The following ZNF136 variants were observed in gnomAD, a reference collection of about 807,000 sequenced individuals.
ZNF136 encodes zinc finger protein 136, also known as zinc finger protein 136 (clone pHZ-20).
In ZNF136, 8 loss-of-function variants were observed where a neutral mutation model predicts 11.4. That is an observed-to-expected ratio of 0.70 (90% confidence interval 0.41 to 1.27). The LOEUF (loss-of-function observed/expected upper bound fraction) is 1.27. Ranked by LOEUF, ZNF136 falls within the 50% of genes most tolerant of loss-of-function variation. ZNF136 has a pLI of 0.01. For synonymous variants in ZNF136, 190 were observed against 207.1 expected (o/e 0.92, Z 0.71); for missense variants, 590 against 656.5 (o/e 0.90, Z 1.11).
chr19:12,176,607 G>C (rs1046889817), intron 1 of ZNF136, among the ~76,000 whole-genome samples: 1 of 152,146 alleles, frequency 6.6e-6, no homozygotes, highest in African/African-American at 2.4e-5. Flanking sequence ...GATTACAGAC[G>C]TGAGCCACTG....
intron 1 of ZNF136, among the ~76,000 whole-genome samples, chr19:12,169,837 C>T (rs1379028094): frequency 2.0e-5 from 3 of 151,678 alleles, no homozygotes; most frequent in Non-Finnish European, 2.9e-5. Context: ...CTCTGTCCCC[C>T]AGGCTGGAGT....
intron 1 of ZNF136, among the ~76,000 whole-genome samples, chr19:12,172,464 T>A (rs1203078181): frequency 6.6e-6 from 1 of 152,192 alleles, no homozygotes; most frequent in Non-Finnish European, 1.5e-5. Context: ...CACACTTGTT[T>A]ATACTTGCTC....
chr19:12,175,563 AT>A (rs1195244184), intron 1 of ZNF136, among the ~76,000 whole-genome samples: 1 of 152,166 alleles, frequency 6.6e-6, no homozygotes, highest in African/African-American at 2.4e-5. Flanking sequence ...GAGTTCCCTT[AT>A]GCCCCCTATT....
In ZNF136 at chr19:12,187,901, A is replaced by T; in HGVS notation, c.1523A>T (p.Glu508Val). ...GGACAGAAACCCTATCATTGCAAGG[A>T]ATGTGGGAAAGCCTATTCTTGCCGT... Reference protein sequence around the residue: ...HTGQKPYHCKECGKAYSCRAS... With the variant: ...HTGQKPYHCKVCGKAYSCRAS... Residue 508 changes from glutamate (E) to valine (V), a missense_variant, in exon 4 of 4, where the codon GAA becomes GTA. Coordinates refer to ENST00000343979, the MANE Select transcript of ZNF136 (RefSeq NM_003437.5). 2 of 1,594,744 alleles carry T rather than the reference A, an allele frequency of 1.3e-6. No homozygotes were observed. The highest frequency in any genetic ancestry group is 8.5e-7 in the Non-Finnish European group (1 of 1,173,832).
At position 12,168,103 on chromosome 19, in the gene ZNF136, G is replaced by A. The variant is rs997900557; in HGVS notation, c.3+4897G>A. Among the ~76,000 whole-genome samples, 69 of 105,922 alleles carry A rather than the reference G, an allele frequency of 6.5e-4. 1 individual carries two copies. The highest frequency in any genetic ancestry group is 3.1e-4 in the Admixed American group (2 of 6,540). The allele number at this position is 105,922 out of a possible 152,430, so 69.5% of individuals were successfully genotyped here. A position where few individuals can be genotyped will look rare whatever the true frequency, so the allele number is the denominator to read the frequency against. On this transcript the variant is annotated intron_variant, in intron 1 of 3. Transcript: ENST00000343979. ...TTTTTTTTTTGTGAGACGGAGCTTC[G>A]CTCTCATTGCCCAAGCTGGAGTGCA...
At chr19:12,169,085 A>G (rs779083790) in intron 1 of ZNF136, among the ~76,000 whole-genome samples, 5 of 151,644 alleles carry the variant, frequency 3.3e-5, no homozygotes, top group African/African-American at 4.8e-5. Flanking sequence ...GGGTGCCTCC[A>G]CTCCTCCCTG....
rs1915129907 is a variant in ZNF136 at position 12,187,258 on chromosome 19, A to G, written c.880A>G (p.Thr294Ala). Residue 294 changes from threonine to alanine, a missense_variant, in exon 4 of 4, where the codon ACC (threonine) becomes GCC (alanine). Coordinates refer to ENST00000343979, the MANE Select transcript of ZNF136 (RefSeq NM_003437.5). Reference protein sequence around the residue: ...QCGKAFSCSPTLRIHERTHTG... With the variant: ...QCGKAFSCSPALRIHERTHTG... ...TGGTAAAGCCTTCAGTTGTTCCCCA[A>G]CCTTACGAATACATGAAAGAACCCA... is the stretch of plus-strand genomic sequence containing the variant. 6.2e-7 allele frequency: 1 copy of G among 1,613,812 alleles called. No individual in the cohort carries two copies. Among genetic ancestry groups the G allele is most frequent in the Admixed American group, 1.7e-5 (1 of 59,996 alleles).
intron 1 of ZNF136, among the ~76,000 whole-genome samples, chr19:12,183,740 A>C (rs2145640360): frequency 6.6e-6 from 1 of 152,242 alleles, no homozygotes; most frequent in Admixed American, 6.5e-5. Flanking sequence ...CTGGGACTAC[A>C]GGCGTGCACC....
At chr19:12,171,502 A>G (rs1914652618) in intron 1 of ZNF136, among the ~76,000 whole-genome samples, 2 of 152,122 alleles carry the variant, frequency 1.3e-5, no homozygotes, top group South Asian at 4.1e-4. Flanking sequence ...CATCTTCTGT[A>G]AAATAGTTTT....
intron 1 of ZNF136, among the ~76,000 whole-genome samples, chr19:12,174,313 A>C (rs1387040510): frequency 6.6e-6 from 1 of 152,134 alleles, no homozygotes; most frequent in Non-Finnish European, 1.5e-5. Context: ...TTTTTCACTT[A>C]GATGATATGC....
chr19:12,173,406 C>A (rs919015256), intron 1 of ZNF136, among the ~76,000 whole-genome samples: 14 of 152,000 alleles, frequency 9.2e-5, no homozygotes, highest in African/African-American at 3.1e-4. Flanking sequence ...TGAATGATGT[C>A]TGTATAAAAG....
At position 12,186,966 on chromosome 19, in the gene ZNF136, T is replaced by C; in HGVS notation, c.588T>C (p.Tyr196=). The change falls in exon 4 of 4, where the codon TAT becomes TAC. Residue 196 remains tyrosine (Y), a synonymous_variant. Transcript: ENST00000343979. ...HIITHSGYTP[Y]KCKVCGKAFD... ...TCACACACAGTGGATATACACCATA[T>C]AAATGTAAGGTGTGTGGGAAAGCTT... The C allele has an allele frequency of 6.2e-7, 1 of 1,614,102 alleles. No homozygotes were observed. The highest frequency in any genetic ancestry group is 2.2e-5 in the East Asian group (1 of 44,872).
chr19:12,170,016 G>A lies in ZNF136; in HGVS notation c.3+6810G>A, dbSNP rs538037816. Among the ~76,000 whole-genome samples, 121 of 143,830 alleles carry A rather than the reference G, an allele frequency of 8.4e-4. 2 individuals carry two copies. Among genetic ancestry groups the A allele is most frequent in the Admixed American group, 4.4e-3 (60 of 13,754 alleles). The allele number at this position is 143,830 out of a possible 152,430, so 94.4% of individuals were successfully genotyped here. A position where few individuals can be genotyped will look rare whatever the true frequency, so the allele number is the denominator to read the frequency against. On this transcript the variant is annotated intron_variant, in intron 1 of 3. Coordinates refer to ENST00000343979, the MANE Select transcript of ZNF136 (RefSeq NM_003437.5). The stretch of plus-strand genomic sequence containing the variant: ...TCACTGTGTTAGCCAGGGTGGTCTC[G>A]ATCTCCTGACCTCGTGATCTGCCCA...
chr19:12,182,241 T>C (rs952296153), intron 1 of ZNF136, among the ~76,000 whole-genome samples: 2 of 151,872 alleles, frequency 1.3e-5, no homozygotes, highest in African/African-American at 4.9e-5. Context: ...TGAAAAAGCT[T>C]TGTGTCTCTC....
intron 1 of ZNF136, among the ~76,000 whole-genome samples, chr19:12,174,214 CT>C (rs1914729690): frequency 6.6e-6 from 1 of 152,108 alleles, no homozygotes; most frequent in Non-Finnish European, 1.5e-5. Flanking sequence ...CAATTACTTG[CT>C]TTTTGATGTG....
intron 1 of ZNF136, among the ~76,000 whole-genome samples, chr19:12,178,615 G>A (rs1242571987): frequency 6.6e-6 from 1 of 152,122 alleles, no homozygotes; most frequent in East Asian, 1.9e-4. Context: ...TTGCTGCTAA[G>A]TTATATAAAA....
At chr19:12,166,218 A>T (rs779783399) in intron 1 of ZNF136, among the ~76,000 whole-genome samples, 3 of 149,916 alleles carry the variant, frequency 2.0e-5, no homozygotes, top group Non-Finnish European at 3.0e-5. Context: ...ACAGAGCAAG[A>T]CTCCGTCTCA....
chr19:12,165,994 G>A (rs1977180283), intron 1 of ZNF136, among the ~76,000 whole-genome samples: 1 of 152,184 alleles, frequency 6.6e-6, no homozygotes, highest in African/African-American at 2.4e-5. Flanking sequence ...TTGGGAGGCT[G>A]AAGCAGGTGG....
In ZNF136 at chr19:12,187,351, C is replaced by T. The variant is rs1178650998; in HGVS notation, c.973C>T (p.Leu325=). Residue 325 remains leucine, a synonymous_variant, in exon 4 of 4, where the codon CTA becomes TTA. Coordinates refer to ENST00000343979, the MANE Select transcript of ZNF136 (RefSeq NM_003437.5). ...KAFSYLPSLR[L]HERIHTGEKP... ...CTTCAGTTATCTCCCCTCCCTTCGA[C>T]TACATGAAAGAATTCACACTGGTGA... 1 of 1,612,880 alleles carries T rather than the reference C, an allele frequency of 6.2e-7. No individual in the cohort carries two copies. The highest frequency in any genetic ancestry group is 8.5e-7 in the Non-Finnish European group (1 of 1,179,746).
Sources: gnomAD v4.1 joint callset for allele counts (sites outside exome capture counted in the v4.1 genomes callset) on GRCh38, gnomAD v4.1.1 for gene constraint, MANE v1.5 for transcripts, NCBI Gene and HGNC (gene_info 2026-07-23, HGNC 2026-07-21) for gene names.